Variants in MRS2 observed in about 807,000 individuals in gnomAD.
The protein encoded by MRS2 is magnesium transporter MRS2.
In MRS2, 40 loss-of-function variants were observed where a neutral mutation model predicts 52.6. The observed-to-expected ratio is 0.76, with a 90% CI of 0.59 to 0.99. The LOEUF (loss-of-function observed/expected upper bound fraction) is 0.99, where lower values mean the gene tolerates loss of function less well. MRS2 is among the 50% of genes least tolerant of loss of function. MRS2 has a pLI of 0.00. For missense variants in MRS2, 472 were observed against 532.7 expected (o/e 0.89, Z 1.12); for synonymous variants, 193 against 195.9 (o/e 0.98, Z 0.13).
Position 24,416,416 on chromosome 6 carries a change from G to C in MRS2, c.739G>C (p.Asp247His), listed in dbSNP as rs146341688. The C allele has an allele frequency of 2.0e-6, 3 of 1,499,176 alleles. No individual in the cohort carries two copies. 92.9% of individuals were successfully genotyped at this position (1,499,176 alleles called of 1,614,324 possible). A position where few individuals can be genotyped will look rare whatever the true frequency, so the allele number is the denominator to read the frequency against. Residue 247 changes from aspartate to histidine, a missense_variant, in exon 7 of 11, where the codon GAT becomes CAT. Asp to His is a moderately conservative substitution (Grantham distance 81). Coordinates refer to ENST00000378386, the MANE Select transcript of MRS2 (RefSeq NM_020662.4). ...NGKSLSELET[D>H]IKIFKESILE... The stretch of plus-strand genomic sequence containing the variant: ...TTATAGTCTATCAGAGTTAGAAACA[G>C]ATATTAAAATTTTCAAAGAGTCAAT...
At chr6:24,404,369 T>C (rs1355727735) in intron 1 of MRS2, among the ~76,000 whole-genome samples, 1 of 152,220 alleles carries the variant, frequency 6.6e-6, no homozygotes, top group African/African-American at 2.4e-5. Flanking sequence ...CTTACCCTTA[T>C]AGTGATAATT....
chr6:24,410,708 C>T (rs1761620173), intron 4 of MRS2: 1 of 1,504,974 alleles, frequency 6.6e-7, no homozygotes, highest in Admixed American at 2.0e-5. Context: ...GCAGTCTTCT[C>T]CCATGTGATT....
At chr6:24,419,833 T>C (rs1173892041) in intron 9 of MRS2, among the ~76,000 whole-genome samples, 1 of 152,206 alleles carries the variant, frequency 6.6e-6, no homozygotes, top group Non-Finnish European at 1.5e-5. Context: ...ACAGTCAACC[T>C]TGCATATCTG....
intron 6 of MRS2, among the ~76,000 whole-genome samples, chr6:24,415,487 T>C (rs1411027479): frequency 6.6e-6 from 1 of 152,208 alleles, no homozygotes; most frequent in Non-Finnish European, 1.5e-5. Context: ...AAATTCAAAG[T>C]CCATGTTGTT....
intron 2 of MRS2, among the ~76,000 whole-genome samples, chr6:24,406,645 C>T (rs1166892142): frequency 6.6e-6 from 1 of 152,018 alleles, no homozygotes; most frequent in Non-Finnish European, 1.5e-5. Flanking sequence ...CGTGGTGGTG[C>T]ACGCCTGTAG....
intron 2 of MRS2, among the ~76,000 whole-genome samples, chr6:24,407,229 G>A (rs1370070691): frequency 6.6e-6 from 1 of 152,140 alleles, no homozygotes; most frequent in Non-Finnish European, 1.5e-5. Flanking sequence ...GTGGGTTTAT[G>A]TATTTGTGAA....
At chr6:24,420,506 C>G (rs1762009094) in intron 9 of MRS2, among the ~76,000 whole-genome samples, 1 of 152,152 alleles carries the variant, frequency 6.6e-6, no homozygotes, top group South Asian at 2.1e-4. Flanking sequence ...CTGTTATATA[C>G]CAAGCACTGC....
In MRS2 at chr6:24,414,194, G is replaced by A. The variant is rs868367628; in HGVS notation, c.589-839G>A. 2.4e-4 allele frequency among the ~76,000 whole-genome samples: 36 copies of A among 151,734 alleles called. No individual in the cohort carries two copies. In the South Asian group the frequency reaches 4.6e-3, roughly 19 times the overall value. ...TATTGATCATTCTTGGGTGTTTCTC[G>A]GAGAGGGGGATTTGGCAGGGTCATA... On this transcript the variant is annotated intron_variant, in intron 5 of 10. Coordinates refer to ENST00000378386, the MANE Select transcript of MRS2 (RefSeq NM_020662.4).
rs1435867949 is a variant in MRS2, at chr6:24,416,583, G to C, written c.836+70G>C. ...TCTTTTGCCTTTTCCACTTCAAGGT[G>C]ATTTTTCATACAGAATGTAACATTT... is the stretch of plus-strand genomic sequence containing the variant. On this transcript the variant is annotated intron_variant, in intron 7 of 10. Coordinates refer to ENST00000378386, the MANE Select transcript of MRS2 (RefSeq NM_020662.4). 3 of 815,004 alleles carry C rather than the reference G, an allele frequency of 3.7e-6. No homozygotes were observed. The African/African-American group carries it at 5.2e-5, about 14-fold the overall frequency. 50.5% of individuals were successfully genotyped at this position (815,004 alleles called of 1,614,324 possible). A position where few individuals can be genotyped will look rare whatever the true frequency, so the allele number is the denominator to read the frequency against.
At position 24,408,439 on chromosome 6, in the gene MRS2, CT is replaced by C; in HGVS notation, c.300del (p.Phe100LeufsTer12). On this transcript the variant is annotated frameshift_variant, in exon 3 of 11. Coordinates refer to ENST00000378386, the MANE Select transcript of MRS2 (RefSeq NM_020662.4). LOFTEE classifies it high-confidence loss of function. ...TTTGACAAACAGGGAAACGTTACTTCTTTTGGTGAGTGATTAGCATTCTAAA... is the reference window on the plus strand; with the variant it reads ...TTTGACAAACAGGGAAACGTTACTTCTTTGGTGAGTGATTAGCATTCTAAA... Reference protein sequence around the residue: ...TKFDKQGNVTSFERKKTELYQ... With the variant: ...TKFDKQGNVTXFERKKTELYQ... The C allele has an allele frequency of 6.3e-7, 1 of 1,581,294 alleles. No homozygotes were observed. Among genetic ancestry groups the C allele is most frequent in the Non-Finnish European group, 8.7e-7 (1 of 1,151,640 alleles).
rs998046640 is a variant in MRS2, at chr6:24,425,757, C to G, written c.*2063C>G. 1 of 152,202 alleles carries G rather than the reference C, an allele frequency of 6.6e-6. No homozygotes were observed. The allele number at this position is 152,202 out of a possible 1,614,324, so 9.4% of individuals were successfully genotyped here. A position where few individuals can be genotyped will look rare whatever the true frequency, so the allele number is the denominator to read the frequency against. On this transcript the variant is annotated 3_prime_UTR_variant, in exon 11 of 11. Coordinates refer to ENST00000378386, the MANE Select transcript of MRS2 (RefSeq NM_020662.4). Reference sequence around the variant, plus strand: ...AAGGTGTGATACTGTCTTTGGAAGGCTCCTAAACAAATGTGAGCACAATTA... The same window carrying G: ...AAGGTGTGATACTGTCTTTGGAAGGGTCCTAAACAAATGTGAGCACAATTA...
rs914711044 is a variant in MRS2 at position 24,423,996 on chromosome 6, A to T, written c.*302A>T. On this transcript the variant is annotated 3_prime_UTR_variant, in exon 11 of 11. Transcript: ENST00000378386. ...CAGTTGCATAGATTTTAATTTATACATATCAAGAAAAGTGCAATTTCATGC... is the reference window on the plus strand; with the variant it reads ...CAGTTGCATAGATTTTAATTTATACTTATCAAGAAAAGTGCAATTTCATGC... The T allele has an allele frequency of 1.2e-5, 2 of 172,242 alleles. No individual in the cohort carries two copies. Among genetic ancestry groups the T allele is most frequent in the Admixed American group, 5.9e-5 (1 of 17,002 alleles). 10.7% of individuals were successfully genotyped at this position (172,242 alleles called of 1,614,324 possible). A position where few individuals can be genotyped will look rare whatever the true frequency, so the allele number is the denominator to read the frequency against.
intron 2 of MRS2, among the ~76,000 whole-genome samples, chr6:24,405,974 G>A (rs1378596560): frequency 6.6e-6 from 1 of 151,714 alleles, no homozygotes; most frequent in African/African-American, 2.4e-5. Context: ...GCCTGGTGGT[G>A]GGCGCCTGTA....
In MRS2 at chr6:24,424,560, T is replaced by C. The variant is rs1486250816; in HGVS notation, c.*866T>C. ...ATGAATAAATGTTAGAACTGTGATA[T>C]CTTCTCATTTCCACAGAGATTTGGG... On this transcript the variant is annotated 3_prime_UTR_variant, in exon 11 of 11. Transcript: ENST00000378386. The C allele has an allele frequency of 6.6e-6, 1 of 152,216 alleles. No individual in the cohort carries two copies. The highest frequency in any genetic ancestry group is 1.5e-5 in the Non-Finnish European group (1 of 68,038). The allele number at this position is 152,216 out of a possible 1,614,324, so 9.4% of individuals were successfully genotyped here.
chr6:24,416,556 A>G, intron 7 of MRS2, 43 bp downstream of exon 7: 1 of 1,040,982 alleles, frequency 9.6e-7, no homozygotes, highest in Non-Finnish European at 1.5e-6. Context: ...CCTTAGAGTA[A>G]ATCTTTTGCC....
intron 8 of MRS2, 40 bp downstream of exon 8, chr6:24,418,276 ATAAT>A: frequency 2.0e-6 from 3 of 1,490,120 alleles, no homozygotes; most frequent in South Asian, 1.3e-5. Flanking sequence ...TTTTAATAAA[ATAAT>A]TATAAGAAAG....
Position 24,418,159 on chromosome 6 carries a change from C to T in MRS2, c.912C>T (p.Asp304=), listed in dbSNP as rs981110178. The T allele has an allele frequency of 1.9e-5, 30 of 1,613,454 alleles. No homozygotes were observed. The highest frequency in any genetic ancestry group is 6.6e-5 in the South Asian group (6 of 91,048). ...LLLENYYRLA[D]DLSNAARELR... is the part of the protein sequence containing the mutation. The stretch of plus-strand genomic sequence containing the variant: ...TGGAAAACTACTACCGATTGGCTGA[C>T]GATCTCTCCAATGCAGCTCGTGAGC... Residue 304 remains aspartate, a synonymous_variant, in exon 8 of 11, where the codon GAC becomes GAT. Transcript: ENST00000378386.
chr6:24,422,846 AAG>A (rs1762093903), intron 9 of MRS2, 89 bp from the exon 10 acceptor site: 2 of 824,150 alleles, frequency 2.4e-6, no homozygotes, highest in African/African-American at 3.4e-5. Flanking sequence ...CAAATAACAT[AAG>A]GCTTTCAAAC....
At chr6:24,405,368 C>A in intron 2 of MRS2, 127 bp downstream of exon 2, 1 of 676,032 alleles carries the variant, frequency 1.5e-6, no homozygotes. Context: ...CATGTCGTGG[C>A]TGTTGTGCCT....
Sources: allele counts gnomAD v4.1 joint callset (sites outside exome capture counted in the v4.1 genomes callset), GRCh38; gene constraint gnomAD v4.1.1; transcripts MANE v1.5; gene names NCBI Gene and HGNC (gene_info 2026-07-23, HGNC 2026-07-21).